Variants in SHANK2 observed in about 807,000 individuals in gnomAD.
SHANK2 encodes SH3 and multiple ankyrin repeat domains protein 2.
SHANK2 carries 43 observed loss-of-function variants against 133.7 expected under a neutral mutation model. The observed-to-expected ratio is 0.32, with a 90% CI of 0.25 to 0.41. The LOEUF (loss-of-function observed/expected upper bound fraction) is 0.41, where lower values mean the gene tolerates loss of function less well. SHANK2 is among the 10% of genes least tolerant of loss of function. The pLI is 1.00. For synonymous variants in SHANK2, 1,017 were observed against 952.8 expected (o/e 1.07, Z -1.24); for missense variants, 1,994 against 2,235.8 (o/e 0.89, Z 2.18).
chr11:70,573,830 C>A (rs1331577868), intron 17 of SHANK2, among the ~76,000 whole-genome samples: 1 of 152,238 alleles, frequency 6.6e-6, no homozygotes, highest in Non-Finnish European at 1.5e-5. Flanking sequence ...AAGTACTTCT[C>A]ACACCGAAGA....
chr11:70,860,191 A>G (rs1392654430), intron 11 of SHANK2, among the ~76,000 whole-genome samples: 1 of 152,126 alleles, frequency 6.6e-6, no homozygotes, highest in Non-Finnish European at 1.5e-5. Context: ...CGCCACCTCC[A>G]TACCCTATCA....
intron 15 of SHANK2, among the ~76,000 whole-genome samples, chr11:70,698,415 G>T (rs1325527839): frequency 1.3e-5 from 2 of 152,178 alleles, no homozygotes; most frequent in Non-Finnish European, 2.9e-5. Flanking sequence ...CTTGACATTT[G>T]CATGCTTTCG....
intron 17 of SHANK2, among the ~76,000 whole-genome samples, chr11:70,573,002 C>T (rs1156732130): frequency 1.3e-5 from 2 of 152,154 alleles, no homozygotes; most frequent in African/African-American, 4.8e-5. Flanking sequence ...AAACGCCCAT[C>T]GATCGTGACT....
intron 14 of SHANK2, among the ~76,000 whole-genome samples, chr11:70,723,304 T>TCTCTCTCTCTCTCA (rs1946107794): frequency 6.6e-6 from 1 of 150,996 alleles, no homozygotes; most frequent in Non-Finnish European, 1.5e-5. Context: ...GGTCTGTCTC[T>TCTCTCTCTCTCTCA]CTCTCTCTCT....
intron 11 of SHANK2, among the ~76,000 whole-genome samples, chr11:70,865,864 C>G (rs1555068914): frequency 1.3e-5 from 2 of 152,218 alleles, no homozygotes; most frequent in Non-Finnish European, 2.9e-5. Context: ...CTAGGTACTG[C>G]TCTACCCAAG....
chr11:70,682,670 G>T (rs768378743), intron 15 of SHANK2, among the ~76,000 whole-genome samples: 28 of 152,186 alleles, frequency 1.8e-4, no homozygotes, highest in Non-Finnish European at 2.9e-4. Flanking sequence ...GGAAATGGGG[G>T]AGGCAGGTAG....
At chr11:70,474,393 G>A (rs558884566) in intron 25 of SHANK2, 1 of 152,334 alleles carries the variant, frequency 6.6e-6, no homozygotes, top group South Asian at 2.1e-4. Flanking sequence ...CAGGGAGGAC[G>A]ACCCTTCTAG....
intron 17 of SHANK2, among the ~76,000 whole-genome samples, chr11:70,561,056 G>A (rs532768618): frequency 5.9e-5 from 9 of 152,208 alleles, no homozygotes; most frequent in Non-Finnish European, 1.3e-4. Context: ...AAGGGCAAAG[G>A]CAATTCAACA....
chr11:70,791,525 A>T (rs1157202566), intron 14 of SHANK2, among the ~76,000 whole-genome samples: 1 of 152,220 alleles, frequency 6.6e-6, no homozygotes, highest in Non-Finnish European at 1.5e-5. Flanking sequence ...AAAAGCTATG[A>T]TCATAAACTT....
At chr11:70,903,183 C>A (rs557613937) in intron 10 of SHANK2, among the ~76,000 whole-genome samples, 39 of 152,118 alleles carry the variant, frequency 2.6e-4, no homozygotes, top group Admixed American at 2.4e-3. Flanking sequence ...TCGAGACTAG[C>A]CTTCCCAACA....
chr11:70,781,558 T>TTATTTATA (rs71049941), intron 14 of SHANK2, among the ~76,000 whole-genome samples: 8 of 28,962 alleles, frequency 2.8e-4, no homozygotes, highest in South Asian at 3.7e-3. Flanking sequence ...TACTTACTTA[T>TTATTTATA]TATATATATA....
In SHANK2 at chr11:70,486,616, G is replaced by A; in HGVS notation, c.3677C>T (p.Ala1226Val). 1 of 1,613,570 alleles carries A rather than the reference G, an allele frequency of 6.2e-7. No individual in the cohort carries two copies. The highest frequency in any genetic ancestry group is 8.5e-7 in the Non-Finnish European group (1 of 1,180,016). ...LALALSARDR[A>V]MKESQQGPKG... The stretch of plus-strand genomic sequence containing the variant: ...GGGTCCCTGTTGAGACTCCTTCATG[G>A]CTCGGTCCCTTGCGGAGAGTGCCAG... Residue 1226 changes from alanine (A) to valine (V), a missense_variant, in exon 25 of 26, where the codon GCC (alanine) becomes GTC (valine). Transcript: ENST00000601538. This position sits in a 1 kb window ranked among gnomAD's most constrained non-coding sequence, Gnocchi z 8.0.
chr11:70,700,787 C>G (rs1945502740), intron 14 of SHANK2, among the ~76,000 whole-genome samples: 1 of 152,142 alleles, frequency 6.6e-6, no homozygotes, highest in Admixed American at 6.5e-5. Flanking sequence ...AGGAGGAGCC[C>G]CAGGGTACTG....
intron 11 of SHANK2, among the ~76,000 whole-genome samples, chr11:70,886,861 C>T (rs1414970728): frequency 6.6e-6 from 1 of 152,120 alleles, no homozygotes; most frequent in Admixed American, 6.6e-5. Context: ...GTCGGCTAAT[C>T]AGGCACCCAA....
intron 2 of SHANK2, among the ~76,000 whole-genome samples, chr11:71,201,071 C>T (rs1396017225): frequency 1.3e-5 from 2 of 152,222 alleles, no homozygotes; most frequent in South Asian, 2.1e-4. Context: ...GAGACAGACA[C>T]GACAGTGATG....
intron 14 of SHANK2, among the ~76,000 whole-genome samples, chr11:70,722,702 C>T (rs1238874518): frequency 6.6e-6 from 1 of 152,108 alleles, no homozygotes; most frequent in African/African-American, 2.4e-5. Flanking sequence ...GAGATGGTTT[C>T]TTAAAGGGTT....
intron 14 of SHANK2, among the ~76,000 whole-genome samples, chr11:70,777,205 A>G (rs1947384324): frequency 6.6e-6 from 1 of 151,092 alleles, no homozygotes; most frequent in Non-Finnish European, 1.5e-5. Flanking sequence ...CCACCTACCC[A>G]TCCATTCACC....
chr11:70,852,023 A>G (rs1260250174), intron 11 of SHANK2, among the ~76,000 whole-genome samples: 1 of 152,200 alleles, frequency 6.6e-6, no homozygotes, highest in Non-Finnish European at 1.5e-5. Context: ...TGAAAATAAA[A>G]CACAGTCCCT....
intron 17 of SHANK2, among the ~76,000 whole-genome samples, chr11:70,651,118 C>T (rs1205511716): frequency 3.3e-5 from 5 of 152,228 alleles, no homozygotes; most frequent in Non-Finnish European, 5.9e-5. Flanking sequence ...TATGGCACAG[C>T]CTGTGCCCTT....
Sources: gnomAD v4.1 joint callset for allele counts (sites outside exome capture counted in the v4.1 genomes callset) on GRCh38, gnomAD v4.1.1 for gene constraint, Gnocchi (gnomAD v3.1) non-coding constraint, MANE v1.5 for transcripts, NCBI Gene and HGNC (gene_info 2026-07-23, HGNC 2026-07-21) for gene names.